The following MBP variants were observed in gnomAD, a reference collection of about 807,000 sequenced individuals.
The protein encoded by MBP is Golli-MBP.
MBP carries 16 observed loss-of-function variants against 35.8 expected under a neutral mutation model. The ratio of observed to expected loss-of-function variants is 0.45; its 90% CI spans 0.30 to 0.68. MBP has a LOEUF of 0.68. Ranked by LOEUF, MBP falls within the 30% of genes least tolerant of loss-of-function variation. The pLI, the probability that MBP is intolerant of heterozygous loss-of-function variation, is 0.08. For missense variants in MBP, 380 were observed against 404.7 expected, an observed-to-expected ratio of 0.94 and a Z score of 0.52; for synonymous variants, 143 against 159.6, an observed-to-expected ratio of 0.90 and a Z score of 0.78.
chr18:77,084,561 T>C (rs1019420854), intron 2 of MBP, among the ~76,000 whole-genome samples: 1 of 152,146 alleles, frequency 6.6e-6, no homozygotes, highest in African/African-American at 2.4e-5. Context: ...AGGATCATTA[T>C]GTCAGAACAA....
rs1347259210 is a variant in MBP, at chr18:76,988,683, C to T, written c.718-156G>A. ...GGGGGCCGCAGGCTCAGGGCCACAG[C>T]GGCTGTGCAGGTGCGGGAGGGACAG... On this transcript the variant is annotated intron_variant, in intron 6 of 8. Coordinates refer to ENST00000355994, the MANE Select transcript of MBP (RefSeq NM_001025101.2). The surrounding 1 kb of genome is among the most constrained non-coding windows in gnomAD (Gnocchi z 5.2). The T allele has an allele frequency of 4.2e-6, 6 of 1,434,496 alleles. No individual in the cohort carries two copies. The highest frequency in any genetic ancestry group is 4.6e-5 in the East Asian group (2 of 43,638). 88.9% of individuals were successfully genotyped at this position (1,434,496 alleles called of 1,614,324 possible).
At chr18:77,070,814 A>G (rs1194442401) in intron 2 of MBP, among the ~76,000 whole-genome samples, 1 of 152,156 alleles carries the variant, frequency 6.6e-6, no homozygotes, top group Non-Finnish European at 1.5e-5. Context: ...GTGGAGAAGC[A>G]AAGGATGGCA....
intron 7 of MBP, chr18:76,986,392 G>C: frequency 1.0e-6 from 1 of 985,528 alleles, no homozygotes; most frequent in Non-Finnish European, 1.2e-6. Flanking sequence ...TTAGAGGTGA[G>C]GAAGATGACA....
At position 76,980,463 on chromosome 18, in the gene MBP, T is replaced by C; in HGVS notation, c.879A>G (p.Arg293=). Reference sequence around the variant, plus strand: ...CCATGGGTGATCCAGAGCGACTATCTCTTCCTCCCTGAAAAGGAAGAGAGA... The same window carrying C: ...CCATGGGTGATCCAGAGCGACTATCCCTTCCTCCCTGAAAAGGAAGAGAGA... The part of the protein sequence containing the change: ...TLSKIFKLGG[R]DSRSGSPMAR... The change falls in exon 9 of 9, where the codon AGA becomes AGG. Residue 293 remains arginine (R), a synonymous_variant. Transcript: ENST00000355994. 10 of 1,613,682 alleles carry C rather than the reference T, an allele frequency of 6.2e-6. No homozygotes were observed. Among genetic ancestry groups the C allele is most frequent in the Non-Finnish European group, 8.5e-6 (10 of 1,179,718 alleles).
chr18:77,122,417 C>G (rs532182832), intron 1 of MBP, among the ~76,000 whole-genome samples: 2 of 152,262 alleles, frequency 1.3e-5, no homozygotes, highest in South Asian at 4.1e-4. Flanking sequence ...GCTAGAGTCC[C>G]GAGAAGTCTC....
At chr18:76,992,455 G>A (rs1204234677) in intron 4 of MBP, among the ~76,000 whole-genome samples, 1 of 152,124 alleles carries the variant, frequency 6.6e-6, no homozygotes, top group East Asian at 1.9e-4. Flanking sequence ...GAGCGGTACC[G>A]GTCCAGGGCC....
At chr18:77,064,810 T>A (rs888223140) in intron 3 of MBP, among the ~76,000 whole-genome samples, 3 of 152,228 alleles carry the variant, frequency 2.0e-5, no homozygotes, top group Non-Finnish European at 4.4e-5. Context: ...GGCCTGATCT[T>A]GGGGAAAGGG....
At chr18:77,130,695 T>TC (rs1256292303) in intron 1 of MBP, among the ~76,000 whole-genome samples, 7 of 151,852 alleles carry the variant, frequency 4.6e-5, no homozygotes, top group Admixed American at 6.6e-5. Flanking sequence ...GTTTTTTTTT[T>TC]TTCTTTTTTC....
chr18:77,110,177 C>T (rs1008673875), intron 1 of MBP: 1 of 152,178 alleles, frequency 6.6e-6, no homozygotes, highest in Non-Finnish European at 1.5e-5. Flanking sequence ...GAGTTATTTA[C>T]ATTTTGAATG....
In MBP at chr18:76,980,352, G is replaced by C; in HGVS notation, c.*75C>G. The C allele has an allele frequency of 2.9e-6, 4 of 1,366,928 alleles. No individual in the cohort carries two copies. Among genetic ancestry groups the C allele is most frequent in the Non-Finnish European group, 4.2e-6 (4 of 954,368 alleles). 84.7% of individuals were successfully genotyped at this position (1,366,928 alleles called of 1,614,324 possible). A position where few individuals can be genotyped will look rare whatever the true frequency, so the allele number is the denominator to read the frequency against. On this transcript the variant is annotated 3_prime_UTR_variant, in exon 9 of 9. Coordinates refer to ENST00000355994, the MANE Select transcript of MBP (RefSeq NM_001025101.2). ...GGTCATCTGCTCTAATTAGGTAACAGGGGCAAGTGGGATTAAAGTTTTAAG... is the reference window on the plus strand; with the variant it reads ...GGTCATCTGCTCTAATTAGGTAACACGGGCAAGTGGGATTAAAGTTTTAAG...
intron 2 of MBP, among the ~76,000 whole-genome samples, chr18:77,083,832 C>T (rs1422577439): frequency 6.6e-6 from 1 of 152,104 alleles, no homozygotes; most frequent in Admixed American, 6.5e-5. Flanking sequence ...CCGGTGATTG[C>T]TGAGGGCTGT....
chr18:77,078,545 C>T (rs1974754283), intron 2 of MBP, among the ~76,000 whole-genome samples: 1 of 152,246 alleles, frequency 6.6e-6, no homozygotes, highest in African/African-American at 2.4e-5. Flanking sequence ...TTACTGCTCT[C>T]ACTATCTTTG....
intron 2 of MBP, among the ~76,000 whole-genome samples, chr18:77,083,904 T>A (rs1292706304): frequency 1.3e-5 from 2 of 152,146 alleles, no homozygotes; most frequent in East Asian, 3.9e-4. Flanking sequence ...GTCAATGTTG[T>A]AAAATGGACT....
chr18:77,046,405 AG>A (rs1973259816), intron 3 of MBP, among the ~76,000 whole-genome samples: 1 of 152,262 alleles, frequency 6.6e-6, no homozygotes, highest in South Asian at 2.1e-4. Context: ...GCTCCCCGGA[AG>A]GGAAATCCAC....
chr18:77,006,754 G>A (rs934909268), intron 4 of MBP: 3 of 152,082 alleles, frequency 2.0e-5, no homozygotes, highest in East Asian at 1.9e-4. Flanking sequence ...CAGGGAGCTC[G>A]GAGCAGGGTC....
At chr18:76,981,358 G>A (rs75345657) in intron 8 of MBP, 2,380 of 152,278 alleles carry the variant, frequency 0.016, 30 homozygotes, top group Middle Eastern at 0.02. Context: ...GCTCTTTACC[G>A]TGGCCGATCA....
chr18:77,132,478 G>A (rs1292884984), intron 1 of MBP, 102 bp downstream of exon 1: 1 of 152,208 alleles, frequency 6.6e-6, no homozygotes, highest in Non-Finnish European at 1.5e-5. Flanking sequence ...GCTCCCGCGG[G>A]GCTCCGGTCC....
At chr18:77,070,442 A>T (rs1974393834) in intron 2 of MBP, among the ~76,000 whole-genome samples, 1 of 152,244 alleles carries the variant, frequency 6.6e-6, no homozygotes, top group South Asian at 2.1e-4. Flanking sequence ...CAGAAGCCCC[A>T]GGAAGGGAAC....
chr18:77,110,848 A>C (rs1789078), intron 1 of MBP, among the ~76,000 whole-genome samples: 137,512 of 152,192 alleles, frequency 0.9, 62,463 homozygotes, highest in South Asian at 0.97. Context: ...ATAAAATCTA[A>C]CCAGCAGGAT....
Sources: allele counts gnomAD v4.1 joint callset (sites outside exome capture counted in the v4.1 genomes callset), GRCh38; gene constraint gnomAD v4.1.1; non-coding constraint Gnocchi (gnomAD v3.1); transcripts MANE v1.5; gene names NCBI Gene and HGNC (gene_info 2026-07-23, HGNC 2026-07-21).